Variants in CPQ observed in about 807,000 individuals in gnomAD.
CPQ encodes carboxypeptidase Q.
CPQ carries 37 observed loss-of-function variants against 45.7 expected under a neutral mutation model. The ratio of observed to expected loss-of-function variants is 0.81; its 90% CI spans 0.62 to 1.07. The LOEUF (loss-of-function observed/expected upper bound fraction) is 1.07. CPQ is among the 50% of genes least tolerant of loss of function. The pLI is 0.00. For synonymous variants in CPQ, 186 were observed against 205.8 expected (o/e 0.90, Z 0.82); for missense variants, 537 against 572.9 (o/e 0.94, Z 0.64).
chr8:96,749,716 C>T (rs910505345), intron 1 of CPQ, among the ~76,000 whole-genome samples: 1 of 151,954 alleles, frequency 6.6e-6, no homozygotes, highest in East Asian at 1.9e-4. Flanking sequence ...GGTGTTGGCT[C>T]GGATGTGAGG....
At chr8:97,040,312 CCA>C (rs1810095665) in intron 6 of CPQ, among the ~76,000 whole-genome samples, 1 of 152,018 alleles carries the variant, frequency 6.6e-6, no homozygotes, top group African/African-American at 2.4e-5. Flanking sequence ...TGTCCTTCGC[CCA>C]CTTTTTGATG....
intron 1 of CPQ, among the ~76,000 whole-genome samples, chr8:96,676,196 G>A (rs111760989): frequency 0.024 from 3,686 of 151,896 alleles, 164 homozygotes; most frequent in African/African-American, 0.084. Flanking sequence ...TTACTATGCT[G>A]TCCAACACTA....
chr8:96,914,763 G>A (rs1022343750), intron 4 of CPQ, among the ~76,000 whole-genome samples: 1 of 152,092 alleles, frequency 6.6e-6, no homozygotes, highest in Non-Finnish European at 1.5e-5. Flanking sequence ...CCAGCACACC[G>A]AACAGGAAGT....
chr8:96,800,359 G>A (rs190984245), intron 2 of CPQ, among the ~76,000 whole-genome samples: 28 of 152,322 alleles, frequency 1.8e-4, no homozygotes, highest in Non-Finnish European at 3.5e-4. Context: ...CTGTGAAGAC[G>A]TAGGCACCCT....
At chr8:96,963,718 T>A (rs1813502473) in intron 4 of CPQ, among the ~76,000 whole-genome samples, 1 of 152,150 alleles carries the variant, frequency 6.6e-6, no homozygotes, top group African/African-American at 2.4e-5. Flanking sequence ...AGTGCACGAA[T>A]CCTAAGTGTA....
chr8:97,001,650 CTT>C (rs1378850193), intron 5 of CPQ, among the ~76,000 whole-genome samples: 2 of 145,906 alleles, frequency 1.4e-5, no homozygotes, highest in African/African-American at 2.5e-5. Context: ...GTTTGATAGT[CTT>C]TTGTTGAGAA....
intron 2 of CPQ, among the ~76,000 whole-genome samples, chr8:96,793,315 G>A (rs1344192575): frequency 1.3e-5 from 2 of 152,116 alleles, no homozygotes; most frequent in East Asian, 3.9e-4. Flanking sequence ...ACAGTTCCAC[G>A]TGGCTTGAGA....
intron 5 of CPQ, among the ~76,000 whole-genome samples, chr8:96,978,299 T>C (rs1041509342): frequency 5.6e-4 from 85 of 152,308 alleles, no homozygotes; most frequent in African/African-American, 1.9e-3. Context: ...TACTAGGATG[T>C]GTAAAAAGAC....
chr8:96,953,179 G>C (rs1330653228), intron 4 of CPQ, among the ~76,000 whole-genome samples: 2 of 152,096 alleles, frequency 1.3e-5, no homozygotes, highest in Non-Finnish European at 2.9e-5. Flanking sequence ...TCTTCTCTCT[G>C]AATAGTGGTC....
intron 5 of CPQ, among the ~76,000 whole-genome samples, chr8:97,025,752 G>A (rs1484804495): frequency 6.6e-6 from 1 of 152,130 alleles, no homozygotes; most frequent in Admixed American, 6.6e-5. Flanking sequence ...TGTTGTCGTT[G>A]CTTTCCTGTA....
At position 97,125,270 on chromosome 8, in the gene CPQ, A is replaced by G. The variant is rs147919450; in HGVS notation, c.1256-17750A>G. ...AAGTAAAAGCCTTTACTCAAAGAAA[A>G]CCCCAGGCCCAGGTAGTTCCCTAAT... On this transcript the variant is annotated intron_variant, in intron 7 of 7. Transcript: ENST00000220763. 2.2e-3 allele frequency among the ~76,000 whole-genome samples: 336 copies of G among 152,268 alleles called. 1 individual carries two copies. The highest frequency in any genetic ancestry group is 7.1e-3 in the African/African-American group (294 of 41,564).
At chr8:96,740,469 A>G (rs1300252461) in intron 1 of CPQ, among the ~76,000 whole-genome samples, 60 of 151,728 alleles carry the variant, frequency 4.0e-4, no homozygotes, top group African/African-American at 1.2e-3. Flanking sequence ...TCTCCTGCCT[A>G]ATTGCCCTGG....
intron 1 of CPQ, among the ~76,000 whole-genome samples, chr8:96,648,124 A>G (rs950193558): frequency 1.3e-5 from 2 of 152,208 alleles, no homozygotes; most frequent in Admixed American, 1.3e-4. Flanking sequence ...CCCATAAAAT[A>G]AATGGGAAAT....
chr8:97,001,624 C>T (rs528698206), intron 5 of CPQ, among the ~76,000 whole-genome samples: 160 of 151,442 alleles, frequency 1.1e-3, no homozygotes, highest in African/African-American at 2.7e-3. Flanking sequence ...AACTTTTTGA[C>T]GTGCTACTGG....
At chr8:96,776,895 T>C (rs1586396054) in intron 1 of CPQ, among the ~76,000 whole-genome samples, 1 of 152,310 alleles carries the variant, frequency 6.6e-6, no homozygotes, top group East Asian at 1.9e-4. Flanking sequence ...AAAATAGTTG[T>C]TTAACATTTT....
rs951949836 is a variant in CPQ, at chr8:96,728,611, A to G, written c.-34-56253A>G. ...TGCTTTCTTTGCAATTATTTGGCACATTCTAAGGGTGGATATGGTCAGTAT... is the reference window on the plus strand; with the variant it reads ...TGCTTTCTTTGCAATTATTTGGCACGTTCTAAGGGTGGATATGGTCAGTAT... On this transcript the variant is annotated intron_variant, in intron 1 of 7. Coordinates refer to ENST00000220763, the MANE Select transcript of CPQ (RefSeq NM_016134.4). Among the ~76,000 whole-genome samples the G allele has an allele frequency of 2.6e-5, 4 of 152,282 alleles. No individual in the cohort carries two copies. The South Asian group carries it at 8.3e-4, about 32-fold the overall frequency.
chr8:96,914,652 G>A (rs1167893278), intron 4 of CPQ, among the ~76,000 whole-genome samples: 2 of 152,078 alleles, frequency 1.3e-5, no homozygotes, highest in Admixed American at 6.6e-5. Context: ...ATTTTGGGAT[G>A]ATTTATTTTA....
chr8:97,026,844 C>T (rs1809807009), intron 5 of CPQ, among the ~76,000 whole-genome samples: 1 of 152,150 alleles, frequency 6.6e-6, no homozygotes, highest in South Asian at 2.1e-4. Flanking sequence ...GAGACTAACC[C>T]TGTAGGATAA....
At chr8:97,099,562 T>C (rs1333892319) in intron 7 of CPQ, among the ~76,000 whole-genome samples, 2 of 151,634 alleles carry the variant, frequency 1.3e-5, no homozygotes, top group Non-Finnish European at 2.9e-5. Context: ...TTTTTTTTTT[T>C]CTGACTACGT....
Sources: gnomAD v4.1 joint callset for allele counts (sites outside exome capture counted in the v4.1 genomes callset) on GRCh38, gnomAD v4.1.1 for gene constraint, MANE v1.5 for transcripts, NCBI Gene and HGNC (gene_info 2026-07-23, HGNC 2026-07-21) for gene names.